Variants in SGCD observed in about 807,000 individuals in gnomAD.
The protein encoded by SGCD is sarcoglycan delta, also known as delta-sarcoglycan.
SGCD carries 18 observed loss-of-function variants against 36.6 expected under a neutral mutation model. That is an observed-to-expected ratio of 0.49 (90% CI 0.34 to 0.73). The LOEUF (loss-of-function observed/expected upper bound fraction) is 0.73. Among genes scored for constraint, SGCD ranks in the 30% least tolerant of loss-of-function variants. The pLI, the probability that SGCD is intolerant of heterozygous loss-of-function variation, is 0.01. For synonymous variants in SGCD, 133 were observed against 130.6 expected, an observed-to-expected ratio of 1.02 and a Z score of -0.12; for missense variants, 387 against 346.7, an observed-to-expected ratio of 1.12 and a Z score of -0.92.
intron 7 of SGCD, among the ~76,000 whole-genome samples, chr5:156,697,440 A>T (rs967504028): frequency 6.6e-6 from 1 of 152,014 alleles, no homozygotes; most frequent in Non-Finnish European, 1.5e-5. Context: ...AACCCTCCCT[A>T]GTTCACTCCT....
intron 7 of SGCD, among the ~76,000 whole-genome samples, chr5:156,732,561 G>GT (rs1213735230): frequency 4.6e-5 from 7 of 151,860 alleles, no homozygotes; most frequent in East Asian, 3.9e-4. Flanking sequence ...GAAGGTTTCT[G>GT]TTTTTTTCTA....
chr5:156,405,726 A>G lies in SGCD; in HGVS notation c.192+61049A>G, dbSNP rs146074018. Reference sequence around the variant, plus strand: ...AATTCTGTGCCTGAGTAGTAACTTTAATTTGTTGTCAAGATGGTTTTGAGT... The same window carrying G: ...AATTCTGTGCCTGAGTAGTAACTTTGATTTGTTGTCAAGATGGTTTTGAGT... On this transcript the variant is annotated intron_variant, in intron 3 of 8. Coordinates refer to ENST00000337851, the MANE Select transcript of SGCD (RefSeq NM_000337.6). Among the ~76,000 whole-genome samples, 1,241 of 152,182 alleles carry G rather than the reference A, an allele frequency of 8.2e-3. 13 individuals are homozygous for G. The highest frequency in any genetic ancestry group is 0.015 in the Admixed American group (231 of 15,286).
At chr5:156,377,711 A>C (rs1770741832) in intron 3 of SGCD, among the ~76,000 whole-genome samples, 1 of 152,142 alleles carries the variant, frequency 6.6e-6, no homozygotes, top group South Asian at 2.1e-4. Context: ...GCTAAAACAC[A>C]CACTCTTTAC....
chr5:156,283,124 G>A (rs938734872), intron 3 of SGCD, among the ~76,000 whole-genome samples: 5 of 152,090 alleles, frequency 3.3e-5, no homozygotes, highest in Non-Finnish European at 5.9e-5. Flanking sequence ...TATATAATAG[G>A]GATGTTTAAC....
intron 1 of SGCD, among the ~76,000 whole-genome samples, chr5:155,976,639 T>G (rs147138887): frequency 6.6e-6 from 1 of 152,264 alleles, no homozygotes; most frequent in East Asian, 1.9e-4. Context: ...GAGCGTGTGT[T>G]GTTTGGAATT....
intron 4 of SGCD, among the ~76,000 whole-genome samples, chr5:156,510,130 A>G (rs1756868974): frequency 6.6e-6 from 1 of 152,232 alleles, no homozygotes; most frequent in Non-Finnish European, 1.5e-5. Context: ...GTGCTTAGTA[A>G]AAGAGAGGGA....
At chr5:155,728,677 C>A in the SGCD span, among the ~76,000 whole-genome samples, 1 of 152,112 alleles carries the variant, frequency 6.6e-6, no homozygotes, top group South Asian at 2.1e-4. Flanking sequence ...CTTGTCTATC[C>A]CGGAGGGCGC....
chr5:156,077,552 A>G (rs916369935), intron 1 of SGCD, among the ~76,000 whole-genome samples: 1 of 152,156 alleles, frequency 6.6e-6, no homozygotes. Context: ...CTTGTCCACA[A>G]GTGCCTTTCT....
intron 3 of SGCD, among the ~76,000 whole-genome samples, chr5:156,470,104 A>G (rs1482087442): frequency 1.3e-5 from 2 of 152,310 alleles, no homozygotes; most frequent in Middle Eastern, 3.4e-3. Flanking sequence ...AAATAAGTTC[A>G]CTTGTATGGT....
intron 3 of SGCD, among the ~76,000 whole-genome samples, chr5:156,451,350 C>G (rs1050359711): frequency 6.6e-6 from 1 of 152,106 alleles, no homozygotes; most frequent in Non-Finnish European, 1.5e-5. Flanking sequence ...TTTCAACAAG[C>G]AGGAAGGTCC....
At chr5:155,737,144 C>G in the SGCD span, among the ~76,000 whole-genome samples, 1 of 152,122 alleles carries the variant, frequency 6.6e-6, no homozygotes, top group Non-Finnish European at 1.5e-5. Flanking sequence ...AATATTGTCT[C>G]CAATTTACTT....
Position 156,638,773 on chromosome 5 carries a change from A to G in SGCD, c.503-8691A>G, listed in dbSNP as rs115482763. Among the ~76,000 whole-genome samples the G allele has an allele frequency of 2.1e-3, 323 of 152,164 alleles. 2 individuals carry two copies. Among genetic ancestry groups the G allele is most frequent in the African/African-American group, 7.4e-3 (309 of 41,514 alleles). On this transcript the variant is annotated intron_variant, in intron 6 of 8. Coordinates refer to ENST00000337851, the MANE Select transcript of SGCD (RefSeq NM_000337.6). Reference sequence around the variant, plus strand: ...GTTCCGGTCTATTGGTTTCCAGAGTAGAGTTTGCTTAATTAAACTACTTGT... The same window carrying G: ...GTTCCGGTCTATTGGTTTCCAGAGTGGAGTTTGCTTAATTAAACTACTTGT...
chr5:156,423,280 T>TTATATTTTATTATAATA (rs1561685523), intron 3 of SGCD, among the ~76,000 whole-genome samples: 12 of 97,330 alleles, frequency 1.2e-4, no homozygotes, highest in African/African-American at 5.0e-4. Context: ...TAACATTATA[T>TTATATTTTATTATAATA]TATATTTTAT....
At chr5:156,568,266 C>G (rs1759576322) in intron 4 of SGCD, among the ~76,000 whole-genome samples, 1 of 152,166 alleles carries the variant, frequency 6.6e-6, no homozygotes, top group Non-Finnish European at 1.5e-5. Context: ...CACCTGTAGT[C>G]TCAGCTACTC....
chr5:156,082,880 T>C (rs7714933), intron 1 of SGCD, among the ~76,000 whole-genome samples: 99,540 of 151,976 alleles, frequency 0.65, 32,856 homozygotes, highest in East Asian at 0.81. Context: ...ATTCTGCCAG[T>C]ATGTATATGT....
chr5:155,882,781 T>C (rs1349420170), intron 1 of SGCD, among the ~76,000 whole-genome samples: 1 of 152,186 alleles, frequency 6.6e-6, no homozygotes, highest in Non-Finnish European at 1.5e-5. Flanking sequence ...ATTTTGGAAA[T>C]GGTCAGTGAC....
chr5:156,331,987 C>G (rs147578273), intron 2 of SGCD, among the ~76,000 whole-genome samples: 2 of 152,120 alleles, frequency 1.3e-5, no homozygotes, highest in African/African-American at 4.8e-5. Context: ...TTCCATTCAC[C>G]CTTGCAAGTT....
chr5:155,963,978 C>T (rs1448039440), intron 1 of SGCD, among the ~76,000 whole-genome samples: 21 of 151,994 alleles, frequency 1.4e-4, no homozygotes, highest in Admixed American at 1.3e-3. Context: ...TGTTCCTAAC[C>T]TGATTTTCTC....
the SGCD span, among the ~76,000 whole-genome samples, chr5:155,844,197 C>A: frequency 6.6e-6 from 1 of 152,106 alleles, no homozygotes; most frequent in African/African-American, 2.4e-5. Flanking sequence ...GTCTTCTCTG[C>A]ACAGAGACAC....
Sources: allele counts gnomAD v4.1 joint callset (sites outside exome capture counted in the v4.1 genomes callset), GRCh38; gene constraint gnomAD v4.1.1; transcripts MANE v1.5; gene names NCBI Gene and HGNC (gene_info 2026-07-23, HGNC 2026-07-21).